Variants in DENND5B observed in about 807,000 individuals in gnomAD.
DENND5B encodes the protein DENN domain containing 5B, also known as DENN domain-containing protein 5B.
A neutral mutation model predicts 140.6 loss-of-function variants in DENND5B; 34 were observed. The observed-to-expected ratio is 0.24, with a 90% CI of 0.18 to 0.32. The LOEUF (loss-of-function observed/expected upper bound fraction) is 0.32, where lower values mean the gene tolerates loss of function less well. DENND5B is among the 10% of genes least tolerant of loss of function. The pLI is 1.00. For synonymous variants in DENND5B, 551 were observed against 562.1 expected (o/e 0.98, Z 0.28); for missense variants, 1,142 against 1,560.2 (o/e 0.73, Z 4.52).
intron 20 of DENND5B, among the ~76,000 whole-genome samples, chr12:31,388,932 C>G (rs1940988201): frequency 6.6e-6 from 1 of 152,200 alleles, no homozygotes; most frequent in Non-Finnish European, 1.5e-5. Flanking sequence ...AGTATACAGT[C>G]ATGGTGGAGA....
chr12:31,578,696 C>T (rs936199107), intron 1 of DENND5B, among the ~76,000 whole-genome samples: 1 of 152,116 alleles, frequency 6.6e-6, no homozygotes, highest in African/African-American at 2.4e-5. Flanking sequence ...TTACTTGTGA[C>T]CTAGCTCATG....
intron 3 of DENND5B, among the ~76,000 whole-genome samples, chr12:31,462,801 A>G (rs1024848891): frequency 1.3e-5 from 2 of 152,158 alleles, no homozygotes; most frequent in African/African-American, 2.4e-5. Flanking sequence ...TCTACTAAAA[A>G]TACAAAAATT....
At chr12:31,584,950 T>C (rs1950346119) in intron 1 of DENND5B, among the ~76,000 whole-genome samples, 1 of 151,976 alleles carries the variant, frequency 6.6e-6, no homozygotes, top group Non-Finnish European at 1.5e-5. Context: ...CTTCCTCTCA[T>C]GGCAGAAGGC....
At chr12:31,409,419 ATC>A in intron 13 of DENND5B, 35 bp from the exon 14 acceptor site, 1 of 1,358,778 alleles carries the variant, frequency 7.4e-7, no homozygotes, top group South Asian at 1.6e-5. Context: ...AGACAGTAGT[ATC>A]AAAGAAAAAA....
intron 17 of DENND5B, among the ~76,000 whole-genome samples, chr12:31,393,503 C>G (rs539441586): frequency 7.2e-5 from 11 of 152,152 alleles, no homozygotes; most frequent in African/African-American, 2.7e-4. Flanking sequence ...TCCACCAAAC[C>G]CAAGGAATGG....
chr12:31,497,808 GGCAGC>G (rs1295777716), intron 1 of DENND5B, among the ~76,000 whole-genome samples: 1 of 7,706 alleles, frequency 1.3e-4, no homozygotes. Flanking sequence ...CATGGGGAGG[GGCAGC>G]GGAGGGGGCA....
chr12:31,405,825 T>C (rs1363585095), intron 14 of DENND5B, among the ~76,000 whole-genome samples: 1 of 151,182 alleles, frequency 6.6e-6, no homozygotes, highest in African/African-American at 2.4e-5. Context: ...GGATTACAGG[T>C]GTGAGCCATC....
intron 19 of DENND5B, among the ~76,000 whole-genome samples, chr12:31,390,814 G>A (rs1227455393): frequency 2.0e-5 from 3 of 152,008 alleles, no homozygotes; most frequent in Non-Finnish European, 2.9e-5. Context: ...ACTTGAGGAC[G>A]GAATTTGGGA....
chr12:31,407,983 C>A (rs1307336924), intron 14 of DENND5B, among the ~76,000 whole-genome samples: 1 of 152,150 alleles, frequency 6.6e-6, no homozygotes, highest in African/African-American at 2.4e-5. Flanking sequence ...TAAATGCTAT[C>A]ATTCGGCTTT....
intron 3 of DENND5B, among the ~76,000 whole-genome samples, chr12:31,471,723 TGCA>T (rs1389226446): frequency 6.6e-6 from 1 of 152,164 alleles, no homozygotes; most frequent in Non-Finnish European, 1.5e-5. Context: ...TTTTAAATGC[TGCA>T]GCGTGGAAGA....
chr12:31,541,931 T>G (rs1485879393), intron 1 of DENND5B, among the ~76,000 whole-genome samples: 1 of 152,126 alleles, frequency 6.6e-6, no homozygotes, highest in Non-Finnish European at 1.5e-5. Context: ...TTATGTTAAG[T>G]GAAATAAGCC....
chr12:31,408,538 A>C (rs1397347023), intron 14 of DENND5B, among the ~76,000 whole-genome samples: 2 of 149,060 alleles, frequency 1.3e-5, no homozygotes, highest in African/African-American at 4.9e-5. Context: ...GAGGCACAAG[A>C]ATTCCTTGAA....
Position 31,387,243 on chromosome 12 carries a change from C to T in DENND5B, c.*360G>A. On this transcript the variant is annotated 3_prime_UTR_variant, in exon 21 of 21. Transcript: ENST00000389082. ...GGGTTGCACTATATTTACATGTTTA[C>T]TGGCTTCTTCCTGGCTAGCACCACT... 1 of 167,164 alleles carries T rather than the reference C, an allele frequency of 6.0e-6. No individual in the cohort carries two copies. The highest frequency in any genetic ancestry group is 1.3e-5 in the Non-Finnish European group (1 of 77,570). 10.4% of individuals were successfully genotyped at this position (167,164 alleles called of 1,614,324 possible).
chr12:31,418,851 G>C (rs987180243), intron 11 of DENND5B, among the ~76,000 whole-genome samples: 1 of 152,132 alleles, frequency 6.6e-6, no homozygotes. Flanking sequence ...TGTTGCCCAG[G>C]CTGGTCTCAA....
At chr12:31,423,391 T>G (rs573291595) in intron 11 of DENND5B, among the ~76,000 whole-genome samples, 1 of 152,202 alleles carries the variant, frequency 6.6e-6, no homozygotes, top group Non-Finnish European at 1.5e-5. Flanking sequence ...TCCTATTTTA[T>G]AGATGACGAA....
At chr12:31,552,599 C>T (rs1241710065) in intron 1 of DENND5B, among the ~76,000 whole-genome samples, 1 of 152,086 alleles carries the variant, frequency 6.6e-6, no homozygotes, top group Non-Finnish European at 1.5e-5. Flanking sequence ...GGGAGGATAC[C>T]CTCTTTTTCT....
At chr12:31,389,183 T>G (rs991426542) in intron 20 of DENND5B, 141 bp downstream of exon 20, 2 of 771,440 alleles carry the variant, frequency 2.6e-6, no homozygotes, top group Non-Finnish European at 3.8e-6. Context: ...GGCGATGGAG[T>G]GAGACTCTGT....
At chr12:31,416,392 T>C (rs984288048) in intron 11 of DENND5B, among the ~76,000 whole-genome samples, 7 of 151,902 alleles carry the variant, frequency 4.6e-5, no homozygotes, top group African/African-American at 1.7e-4. Context: ...GCCTCCCGAG[T>C]AGCTGGGACT....
chr12:31,449,790 C>T (rs929721030), intron 5 of DENND5B, among the ~76,000 whole-genome samples: 2 of 141,850 alleles, frequency 1.4e-5, no homozygotes, highest in Admixed American at 7.4e-5. Flanking sequence ...CGTCCAGTGG[C>T]GTGATCTCAG....
Sources: allele counts gnomAD v4.1 joint callset (sites outside exome capture counted in the v4.1 genomes callset), GRCh38; gene constraint gnomAD v4.1.1; transcripts MANE v1.5; gene names NCBI Gene and HGNC (gene_info 2026-07-23, HGNC 2026-07-21).